RBFOX1: variants seen among roughly 807,000 people sequenced by gnomAD.
RBFOX1 encodes RNA binding protein fox-1 homolog 1.
Under a neutral mutation model 57.7 loss-of-function variants are expected in RBFOX1, and 8 were observed. The ratio of observed to expected loss-of-function variants is 0.14; its 90% CI spans 0.08 to 0.25. The LOEUF is 0.25. Among genes scored for constraint, RBFOX1 ranks in the 10% least tolerant of loss-of-function variants. RBFOX1 has a pLI of 1.00. For missense variants in RBFOX1, 611 were observed against 548.5 expected (o/e 1.11, Z -1.14); for synonymous variants, 326 against 222.4 (o/e 1.47, Z -4.15).
At chr16:6,315,902 A>T (rs143192136) in intron 1 of RBFOX1, among the ~76,000 whole-genome samples, 3 of 152,190 alleles carry the variant, frequency 2.0e-5, no homozygotes, top group Admixed American at 6.5e-5. Context: ...ATACATACAC[A>T]TATGTCATCT....
intron 3 of RBFOX1, among the ~76,000 whole-genome samples, chr16:6,844,188 C>T (rs1225265739): frequency 8.2e-5 from 12 of 147,100 alleles, no homozygotes; most frequent in Non-Finnish European, 1.5e-5. Context: ...GAGGAATCTT[C>T]TTTTTTTTTT....
At chr16:5,404,633 C>T (rs1482609785) in intron 1 of RBFOX1, among the ~76,000 whole-genome samples, 1 of 152,212 alleles carries the variant, frequency 6.6e-6, no homozygotes, top group African/African-American at 2.4e-5. Flanking sequence ...CTGAGTTCAT[C>T]ACAGAGCCCT....
At chr16:5,476,865 C>T (rs931526584) in intron 2 of RBFOX1, among the ~76,000 whole-genome samples, 6 of 152,126 alleles carry the variant, frequency 3.9e-5, no homozygotes, top group African/African-American at 1.4e-4. Context: ...TCCAAGTTAA[C>T]CTTTCTCAAT....
chr16:7,397,017 C>T (rs2098151234), intron 4 of RBFOX1, among the ~76,000 whole-genome samples: 1 of 152,182 alleles, frequency 6.6e-6, no homozygotes, highest in Admixed American at 6.5e-5. Context: ...ACATAGCCTA[C>T]ACATTCATGT....
At position 6,500,059 on chromosome 16, in the gene RBFOX1, C is replaced by A. The variant is rs115558378; in HGVS notation, c.-63-154544C>A. 9.2e-3 allele frequency among the ~76,000 whole-genome samples: 1,405 copies of A among 152,228 alleles called. 13 individuals carry two copies. The highest frequency in any genetic ancestry group is 0.026 in the East Asian group (135 of 5,176). Reference sequence around the variant, plus strand: ...AATGTTTTATTTCTTCTTTTGTGAACCGGGTGTGAATGATGTCATTTCCTT... The same window carrying A: ...AATGTTTTATTTCTTCTTTTGTGAAACGGGTGTGAATGATGTCATTTCCTT... On this transcript the variant is annotated intron_variant, in intron 2 of 15. Coordinates refer to ENST00000550418, the MANE Select transcript of RBFOX1 (RefSeq NM_018723.4).
At chr16:5,787,710 G>T (rs1230665131) in intron 3 of RBFOX1, among the ~76,000 whole-genome samples, 3 of 152,234 alleles carry the variant, frequency 2.0e-5, no homozygotes, top group Non-Finnish European at 4.4e-5. Flanking sequence ...GCGAGCCCAG[G>T]AGAGGGTGAC....
At chr16:6,880,977 A>G (rs2153332441) in intron 3 of RBFOX1, among the ~76,000 whole-genome samples, 1 of 152,280 alleles carries the variant, frequency 6.6e-6, no homozygotes, top group Non-Finnish European at 1.5e-5. Context: ...TTCAAGATGA[A>G]TACACAGTGA....
chr16:6,310,238 A>G (rs2080087007), intron 1 of RBFOX1, among the ~76,000 whole-genome samples: 1 of 152,162 alleles, frequency 6.6e-6, no homozygotes, highest in Non-Finnish European at 1.5e-5. Flanking sequence ...AATAGCGGAT[A>G]CAATTGTATT....
At chr16:5,824,751 A>C (rs955203323) in intron 3 of RBFOX1, among the ~76,000 whole-genome samples, 5 of 152,228 alleles carry the variant, frequency 3.3e-5, no homozygotes, top group Admixed American at 2.6e-4. Flanking sequence ...TCTACATTAT[A>C]ACTGCACACT....
At chr16:7,669,529 C>T (rs192897585) in intron 13 of RBFOX1, among the ~76,000 whole-genome samples, 2 of 152,266 alleles carry the variant, frequency 1.3e-5, no homozygotes, top group East Asian at 3.9e-4. Flanking sequence ...TCCTAAGCGT[C>T]CTAACATTAG....
Position 6,074,922 on chromosome 16 carries a change from A to C in RBFOX1, c.-127+54930A>C, listed in dbSNP as rs931455512. Among the ~76,000 whole-genome samples the C allele has an allele frequency of 3.3e-5, 5 of 152,246 alleles. No homozygotes were observed. The South Asian group carries it at 1.0e-3, about 32-fold the overall frequency. On this transcript the variant is annotated intron_variant, in intron 1 of 15. Transcript: ENST00000550418. ...TTGAGACCAGCCTAGGCAACATAGC[A>C]AGACACCATCTCTAAAAAAGATAAT...
At chr16:6,085,493 A>C (rs1475605556) in intron 1 of RBFOX1, among the ~76,000 whole-genome samples, 4 of 151,944 alleles carry the variant, frequency 2.6e-5, no homozygotes, top group Admixed American at 2.6e-4. Context: ...CTGGTCTCGA[A>C]CTCCCGACTT....
At chr16:7,187,779 A>G (rs1045675570) in intron 4 of RBFOX1, among the ~76,000 whole-genome samples, 1 of 151,930 alleles carries the variant, frequency 6.6e-6, no homozygotes, top group African/African-American at 2.4e-5. Context: ...GCTCTCTGTA[A>G]AATAATATTC....
At position 7,518,401 on chromosome 16, in the gene RBFOX1, T is replaced by TCGTC. The variant is rs757595328; in HGVS notation, c.270+12_270+13insCGTC. 6.2e-7 allele frequency: 1 copy of TCGTC among 1,601,906 alleles called. No individual in the cohort carries two copies. Among genetic ancestry groups the TCGTC allele is most frequent in the African/African-American group, 1.3e-5 (1 of 74,752 alleles). On this transcript the variant is annotated intron_variant, in intron 5 of 15. Transcript: ENST00000550418. ...CTGGCACCGCCACAGTAAGTGGACGTGTTTGCTACGGGTGGGAGGTTATGG... is the reference window on the plus strand; with the variant it reads ...CTGGCACCGCCACAGTAAGTGGACGTCGTCGTTTGCTACGGGTGGGAGGTTATGG...
chr16:6,532,003 G>A (rs1329368642), intron 2 of RBFOX1, among the ~76,000 whole-genome samples: 1 of 152,164 alleles, frequency 6.6e-6, no homozygotes, highest in Non-Finnish European at 1.5e-5. Flanking sequence ...CAGGCACCAA[G>A]CCACTGTGAG....
At chr16:5,935,934 G>C (rs1025309826) in intron 4 of RBFOX1, among the ~76,000 whole-genome samples, 2 of 152,118 alleles carry the variant, frequency 1.3e-5, no homozygotes, top group Admixed American at 1.3e-4. Context: ...ACCTCAACCA[G>C]CCTCCCCTGG....
intron 2 of RBFOX1, among the ~76,000 whole-genome samples, chr16:5,570,839 C>CA (rs35367073): frequency 0.41 from 57,138 of 140,658 alleles, 11,605 homozygotes; most frequent in South Asian, 0.43. Flanking sequence ...AACTCTGTCT[C>CA]AAAAAAAAAA....
chr16:6,349,873 A>T (rs1223120909), intron 2 of RBFOX1, among the ~76,000 whole-genome samples: 1 of 152,206 alleles, frequency 6.6e-6, no homozygotes, highest in Non-Finnish European at 1.5e-5. Flanking sequence ...GAGATAAGAA[A>T]GGAAGGCAAG....
chr16:6,119,421 C>A (rs1307405398), intron 1 of RBFOX1, among the ~76,000 whole-genome samples: 1 of 152,112 alleles, frequency 6.6e-6, no homozygotes, highest in Non-Finnish European at 1.5e-5. Flanking sequence ...GCCTTGATCA[C>A]TTAGTTGAGA....
Sources: gnomAD v4.1 joint callset for allele counts (sites outside exome capture counted in the v4.1 genomes callset) on GRCh38, gnomAD v4.1.1 for gene constraint, MANE v1.5 for transcripts, NCBI Gene and HGNC (gene_info 2026-07-23, HGNC 2026-07-21) for gene names.